Variants in APBB2 observed in about 807,000 individuals in gnomAD.
APBB2 encodes Fe65-like 1.
APBB2 carries 38 observed loss-of-function variants against 82.5 expected under a neutral mutation model. The observed-to-expected ratio is 0.46, with a 90% CI of 0.36 to 0.60. APBB2 has a LOEUF of 0.60. APBB2 is among the 20% of genes least tolerant of loss of function. The probability of loss-of-function intolerance (pLI) is 0.00; values close to 1 mark genes in which losing one functional copy is unlikely to be tolerated. For synonymous variants in APBB2, 341 were observed against 368.2 expected (o/e 0.93, Z 0.85); for missense variants, 772 against 972.3 (o/e 0.79, Z 2.74).
chr4:41,212,593 T>C (rs546445587), intron 1 of APBB2, among the ~76,000 whole-genome samples: 11 of 152,290 alleles, frequency 7.2e-5, no homozygotes, highest in African/African-American at 2.6e-4. Context: ...AAACCTTCTG[T>C]GGAAAGGATC....
chr4:41,087,331 A>G (rs1740132953), intron 3 of APBB2, among the ~76,000 whole-genome samples: 1 of 152,204 alleles, frequency 6.6e-6, no homozygotes. Context: ...ATATACCTTA[A>G]AAGTTACCAA....
At chr4:41,002,972 T>C (rs1302098872) in intron 6 of APBB2, among the ~76,000 whole-genome samples, 1 of 152,210 alleles carries the variant, frequency 6.6e-6, no homozygotes, top group Non-Finnish European at 1.5e-5. Context: ...TGGCTATTAC[T>C]GATAGTCTTG....
At position 41,077,865 on chromosome 4, in the gene APBB2, C is replaced by T. The variant is rs565588142; in HGVS notation, c.-148-12192G>A. Among the ~76,000 whole-genome samples the T allele has an allele frequency of 3.9e-4, 59 of 152,198 alleles. No homozygotes were observed. In the South Asian group the frequency reaches 0.011, roughly 28 times the overall value. ...TGCATAGGCCTCAAGAGTAAACAGTCCAGAACAGAATGAGCAAGCAGAGAG... is the reference window on the plus strand; with the variant it reads ...TGCATAGGCCTCAAGAGTAAACAGTTCAGAACAGAATGAGCAAGCAGAGAG... On this transcript the variant is annotated intron_variant, in intron 3 of 17. Coordinates refer to ENST00000508593, the MANE Select transcript of APBB2 (RefSeq NM_004307.2).
intron 1 of APBB2, among the ~76,000 whole-genome samples, chr4:41,197,969 G>A: frequency 1.3e-5 from 2 of 152,168 alleles, no homozygotes; most frequent in Non-Finnish European, 2.9e-5. Context: ...TTCATTACGT[G>A]CTGACTATTC....
chr4:41,159,960 GGAGAAGA>G lies in APBB2; in HGVS notation c.-416-16825_-416-16819del, dbSNP rs1764552415. Among the ~76,000 whole-genome samples the G allele has an allele frequency of 8.3e-5, 6 of 72,208 alleles. 1 individual carries two copies. The highest frequency in any genetic ancestry group is 4.7e-4 in the Admixed American group (3 of 6,380). 47.4% of individuals were successfully genotyped at this position (72,208 alleles called of 152,430 possible). A position where few individuals can be genotyped will look rare whatever the true frequency, so the allele number is the denominator to read the frequency against. ...AGGAGGAGGAGAAGGAGAAGGAGAA[GGAGAAGA>G]AGAAGAAGAAGAAGAAGAAGAAGAA... On this transcript the variant is annotated intron_variant, in intron 1 of 17. Coordinates refer to ENST00000508593, the MANE Select transcript of APBB2 (RefSeq NM_004307.2).
intron 3 of APBB2, among the ~76,000 whole-genome samples, chr4:41,087,796 T>G (rs897610730): frequency 2.0e-5 from 3 of 152,166 alleles, no homozygotes; most frequent in African/African-American, 7.2e-5. Context: ...ACATTTTACA[T>G]AAGACAATCA....
At chr4:40,904,097 G>A (rs942120710) in intron 10 of APBB2, among the ~76,000 whole-genome samples, 1 of 150,582 alleles carries the variant, frequency 6.6e-6, no homozygotes, top group African/African-American at 2.5e-5. Context: ...ATTTCTGCCC[G>A]CAGCCCAGGG....
chr4:40,838,603 G>C (rs1430647017), intron 12 of APBB2, among the ~76,000 whole-genome samples: 5 of 152,180 alleles, frequency 3.3e-5, no homozygotes, highest in Admixed American at 6.5e-5. Context: ...TCAAAGTGCT[G>C]GGATTACAGG....
chr4:41,111,021 C>T (rs1444413627), intron 2 of APBB2, among the ~76,000 whole-genome samples: 1 of 152,200 alleles, frequency 6.6e-6, no homozygotes, highest in Non-Finnish European at 1.5e-5. Flanking sequence ...TGATGGGAGA[C>T]AGTACCAGAT....
At chr4:40,933,336 A>G (rs1201735644) in intron 10 of APBB2, among the ~76,000 whole-genome samples, 1 of 152,114 alleles carries the variant, frequency 6.6e-6, no homozygotes, top group East Asian at 1.9e-4. Flanking sequence ...TGCACCATGC[A>G]CTGATCAGGG....
At chr4:41,130,052 G>A (rs1755540959) in intron 2 of APBB2, among the ~76,000 whole-genome samples, 1 of 152,166 alleles carries the variant, frequency 6.6e-6, no homozygotes, top group African/African-American at 2.4e-5. Context: ...ACATTATCCA[G>A]GAGGATATCT....
At chr4:40,948,578 T>C (rs1347716358) in intron 6 of APBB2, among the ~76,000 whole-genome samples, 1 of 151,674 alleles carries the variant, frequency 6.6e-6, no homozygotes, top group Non-Finnish European at 1.5e-5. Context: ...CTGGTCAGCA[T>C]GGTGAAATCC....
At position 40,908,803 on chromosome 4, in the gene APBB2, C is replaced by A. The variant is rs1293409870; in HGVS notation, c.1255-15392G>T. Among the ~76,000 whole-genome samples the A allele has an allele frequency of 2.6e-5, 4 of 152,230 alleles. No individual in the cohort carries two copies. The East Asian group carries it at 5.8e-4, about 22-fold the overall frequency. ...CAGAGCCGACAATGGGGGAGCCCGC[C>A]ACTGCAGGAACCAAAAGCCCTGAGG... On this transcript the variant is annotated intron_variant, in intron 10 of 17. Transcript: ENST00000508593.
intron 10 of APBB2, among the ~76,000 whole-genome samples, chr4:40,918,701 ACTTCCTTC>A (rs528200967): frequency 0.032 from 4,496 of 142,190 alleles, 195 homozygotes; most frequent in African/African-American, 0.099. Context: ...CTTTCGGACG[ACTTCCTTC>A]CTTCCTTCCT....
chr4:41,160,051 G>A (rs928559254), intron 1 of APBB2, among the ~76,000 whole-genome samples: 1 of 149,122 alleles, frequency 6.7e-6, no homozygotes, highest in Non-Finnish European at 1.5e-5. Flanking sequence ...ATCACAGGAT[G>A]CTGTTTTGCG....
chr4:40,819,170 G>GGCTCTCTC, intron 17 of APBB2, among the ~76,000 whole-genome samples: 1 of 138,076 alleles, frequency 7.2e-6, no homozygotes, highest in South Asian at 2.3e-4. Context: ...CCCTCCCCTT[G>GGCTCTCTC]GCTCTCTTTT....
At chr4:40,928,780 C>G (rs941056779) in intron 10 of APBB2, among the ~76,000 whole-genome samples, 2 of 148,918 alleles carry the variant, frequency 1.3e-5, no homozygotes, top group East Asian at 4.0e-4. Flanking sequence ...AGCTACTCGG[C>G]AGGCAGGGGC....
chr4:41,044,405 A>C (rs1722626340), intron 4 of APBB2, among the ~76,000 whole-genome samples: 1 of 152,176 alleles, frequency 6.6e-6, no homozygotes. Context: ...GACATGCCCT[A>C]ATAATCTTTG....
chr4:40,976,691 A>T (rs571169488), intron 6 of APBB2, among the ~76,000 whole-genome samples: 1 of 152,312 alleles, frequency 6.6e-6, no homozygotes, highest in African/African-American at 2.4e-5. Context: ...CTAAACAGAC[A>T]CAGCACTGGG....
Sources: gnomAD v4.1 joint callset for allele counts (sites outside exome capture counted in the v4.1 genomes callset) on GRCh38, gnomAD v4.1.1 for gene constraint, MANE v1.5 for transcripts, NCBI Gene and HGNC (gene_info 2026-07-23, HGNC 2026-07-21) for gene names.